RAB38: variants seen among roughly 807,000 people sequenced by gnomAD.
RAB38 encodes the protein ras-related protein Rab-38.
In RAB38, 15 loss-of-function variants were observed where a neutral mutation model predicts 18.4. The ratio of observed to expected loss-of-function variants is 0.82; its 90% confidence interval spans 0.55 to 1.26. RAB38 has a LOEUF of 1.26. RAB38 is among the 50% of genes most tolerant of loss of function. The probability of loss-of-function intolerance (pLI) is 0.00; values close to 1 mark genes in which losing one functional copy is unlikely to be tolerated. For missense variants in RAB38, 294 were observed against 267.4 expected, an observed-to-expected ratio of 1.10 and a Z score of -0.69; for synonymous variants, 101 against 104.4, an observed-to-expected ratio of 0.97 and a Z score of 0.20.
chr11:87,929,510 A>ATTATTTTAGCTACAGT, the RAB38 span, among the ~76,000 whole-genome samples: 3 of 151,644 alleles, frequency 2.0e-5, no homozygotes, highest in African/African-American at 4.8e-5. Context: ...CATTTGGAAA[A>ATTATTTTAGCTACAGT]TTATTTTAGC....
chr11:88,078,928 C>G, the RAB38 span, among the ~76,000 whole-genome samples: 1 of 151,746 alleles, frequency 6.6e-6, no homozygotes, highest in Non-Finnish European at 1.5e-5. Context: ...TAATGAATTT[C>G]ATAGTTACAT....
the RAB38 span, among the ~76,000 whole-genome samples, chr11:87,820,283 T>G: frequency 1.3e-5 from 2 of 152,192 alleles, no homozygotes; most frequent in Admixed American, 6.5e-5. Context: ...AGTAGATTTC[T>G]CTGGCAAAAC....
At chr11:88,054,574 C>T in the RAB38 span, among the ~76,000 whole-genome samples, 1 of 152,196 alleles carries the variant, frequency 6.6e-6, no homozygotes, top group Non-Finnish European at 1.5e-5. Flanking sequence ...GTGACATAAT[C>T]TCTGTCTTCC....
At chr11:88,075,307 T>C in the RAB38 span, among the ~76,000 whole-genome samples, 1 of 152,000 alleles carries the variant, frequency 6.6e-6, no homozygotes, top group Non-Finnish European at 1.5e-5. Flanking sequence ...ACAACACAAG[T>C]CTCAACAAAT....
At chr11:87,934,957 G>T in the RAB38 span, among the ~76,000 whole-genome samples, 1 of 152,032 alleles carries the variant, frequency 6.6e-6, no homozygotes, top group African/African-American at 2.4e-5. Context: ...TTGAGGAAGA[G>T]ACTGTGTGGA....
the RAB38 span, among the ~76,000 whole-genome samples, chr11:88,036,068 C>T: frequency 1.2e-4 from 18 of 152,140 alleles, no homozygotes; most frequent in African/African-American, 3.6e-4. Flanking sequence ...ATGCAAACTA[C>T]TCCTTCATAG....
the RAB38 span, among the ~76,000 whole-genome samples, chr11:87,863,676 A>G: frequency 6.6e-6 from 1 of 151,822 alleles, no homozygotes; most frequent in Admixed American, 6.6e-5. Context: ...ATTGCTTGAT[A>G]GAATCACTTT....
chr11:87,949,959 C>T, the RAB38 span, among the ~76,000 whole-genome samples: 1 of 152,118 alleles, frequency 6.6e-6, no homozygotes, highest in Non-Finnish European at 1.5e-5. Flanking sequence ...AACTTTCTGT[C>T]TCATTGATCT....
the RAB38 span, among the ~76,000 whole-genome samples, chr11:87,869,248 T>G: frequency 3.4e-4 from 52 of 151,726 alleles, no homozygotes; most frequent in Non-Finnish European, 6.9e-4. Flanking sequence ...GATGACTTAT[T>G]ATACTCCAGG....
chr11:87,973,160 G>A, the RAB38 span, among the ~76,000 whole-genome samples: 1 of 151,744 alleles, frequency 6.6e-6, no homozygotes, highest in Non-Finnish European at 1.5e-5. Flanking sequence ...GTGTGAGAAT[G>A]GACTAATACA....
At chr11:88,065,340 C>T in the RAB38 span, among the ~76,000 whole-genome samples, 1 of 152,194 alleles carries the variant, frequency 6.6e-6, no homozygotes, top group Admixed American at 6.5e-5. Context: ...AACATTCTTC[C>T]TCCCTTAAAC....
chr11:87,859,381 G>A, the RAB38 span, among the ~76,000 whole-genome samples: 2 of 151,916 alleles, frequency 1.3e-5, no homozygotes, highest in Non-Finnish European at 2.9e-5. Flanking sequence ...CTAATATAAT[G>A]AAGGGAAAAT....
chr11:88,023,204 A>T, the RAB38 span, among the ~76,000 whole-genome samples: 2 of 152,186 alleles, frequency 1.3e-5, no homozygotes, highest in Admixed American at 1.3e-4. Flanking sequence ...AAAATTAAGT[A>T]AAGTTGTAAG....
chr11:88,029,551 GA>G, the RAB38 span, among the ~76,000 whole-genome samples: 3 of 151,600 alleles, frequency 2.0e-5, no homozygotes, highest in Non-Finnish European at 4.4e-5. Flanking sequence ...CAAGCAAATG[GA>G]AAACAAAAAA....
intron 2 of RAB38, among the ~76,000 whole-genome samples, chr11:88,138,310 G>C (rs1044732690): frequency 6.6e-6 from 1 of 152,150 alleles, no homozygotes; most frequent in Non-Finnish European, 1.5e-5. Flanking sequence ...CAAATTATGT[G>C]AGTGACTAAT....
the RAB38 span, among the ~76,000 whole-genome samples, chr11:87,868,135 G>A: frequency 6.6e-6 from 1 of 151,682 alleles, no homozygotes; most frequent in Non-Finnish European, 1.5e-5. Flanking sequence ...GATCCCCAGT[G>A]CTGGAGTTGA....
chr11:88,085,805 A>G, the RAB38 span, among the ~76,000 whole-genome samples: 1 of 151,952 alleles, frequency 6.6e-6, no homozygotes, highest in African/African-American at 2.4e-5. Context: ...ACAAAGCCTG[A>G]AGTATTTTCT....
At chr11:88,102,324 C>T in the RAB38 span, among the ~76,000 whole-genome samples, 2 of 152,014 alleles carry the variant, frequency 1.3e-5, no homozygotes, top group East Asian at 3.9e-4. Flanking sequence ...TTATCTGGGA[C>T]CTGAACCCTT....
At chr11:87,876,787 G>A in the RAB38 span, among the ~76,000 whole-genome samples, 7 of 151,554 alleles carry the variant, frequency 4.6e-5, no homozygotes, top group East Asian at 2.0e-4. Flanking sequence ...AGAAGGAAAC[G>A]GTGTTCTTCA....
Sources: gnomAD v4.1 joint callset for allele counts (sites outside exome capture counted in the v4.1 genomes callset) on GRCh38, gnomAD v4.1.1 for gene constraint, MANE v1.5 for transcripts, NCBI Gene and HGNC (gene_info 2026-07-23, HGNC 2026-07-21) for gene names.